SH2D3C: variants seen among roughly 807,000 people sequenced by gnomAD.
SH2D3C encodes the protein SH2 domain-containing protein 3C.
Under a neutral mutation model 75.2 loss-of-function variants are expected in SH2D3C, and 25 were observed. The ratio of observed to expected loss-of-function variants is 0.33; its 90% CI spans 0.24 to 0.46. The LOEUF is 0.46. SH2D3C is among the 20% of genes least tolerant of loss of function. SH2D3C has a pLI of 1.00. For missense variants in SH2D3C, 933 were observed against 1,165.3 expected (o/e 0.80, Z 2.90); for synonymous variants, 450 against 473.7 (o/e 0.95, Z 0.65).
At chr9:127,772,455 G>C (rs1477681583) in intron 2 of SH2D3C, among the ~76,000 whole-genome samples, 1 of 152,066 alleles carries the variant, frequency 6.6e-6, no homozygotes, top group African/African-American at 2.4e-5. Flanking sequence ...TGTTGGTCAG[G>C]CTGGTCTCTT....
In SH2D3C at chr9:127,774,803, G is replaced by C. The variant is rs1327198399; in HGVS notation, c.38-336C>G. Among the ~76,000 whole-genome samples, 1 of 152,158 alleles carries C rather than the reference G, an allele frequency of 6.6e-6. No homozygotes were observed. The highest frequency in any genetic ancestry group is 1.5e-5 in the Non-Finnish European group (1 of 68,018). ...AGGGCAATGTGAGAATTACAGAAAA[G>C]CTTAGGCCAGGCGTGGTGGCTCATG... On this transcript the variant is annotated intron_variant, in intron 1 of 11. Coordinates refer to ENST00000314830, the MANE Select transcript of SH2D3C (RefSeq NM_170600.3). The surrounding 1 kb of genome is among the most constrained non-coding windows in gnomAD (Gnocchi z 4.3).
intron 3 of SH2D3C, chr9:127,755,154 G>C: frequency 8.2e-7 from 1 of 1,217,666 alleles, no homozygotes; most frequent in Non-Finnish European, 1.0e-6. Context: ...TGCACCGCTC[G>C]GTCATGGTGG....
intron 6 of SH2D3C, among the ~76,000 whole-genome samples, chr9:127,746,231 G>A (rs1436730806): frequency 1.3e-5 from 2 of 152,188 alleles, no homozygotes. Flanking sequence ...TGTGTTTAGG[G>A]AAGGATTTGT....
At chr9:127,742,508 A>AT (rs1479325582) in intron 8 of SH2D3C, among the ~76,000 whole-genome samples, 6 of 152,216 alleles carry the variant, frequency 3.9e-5, no homozygotes, top group Admixed American at 3.9e-4. Context: ...AAATGCTGGG[A>AT]TTACAGGCTC....
intron 1 of SH2D3C, among the ~76,000 whole-genome samples, chr9:127,776,267 T>C (rs1176724010): frequency 6.6e-6 from 1 of 152,044 alleles, no homozygotes; most frequent in Non-Finnish European, 1.5e-5. Flanking sequence ...AGCAGTGTAA[T>C]GAACCGAGCT....
At chr9:127,771,967 G>T (rs2131809327) in intron 2 of SH2D3C, among the ~76,000 whole-genome samples, 1 of 152,318 alleles carries the variant, frequency 6.6e-6, no homozygotes, top group Non-Finnish European at 1.5e-5. Flanking sequence ...AGATGCTATT[G>T]TTACGTCCAT....
rs191722447 is a variant in SH2D3C, at chr9:127,761,333, G to A, written c.555+278C>T. Among the ~76,000 whole-genome samples, 3 of 152,328 alleles carry A rather than the reference G, an allele frequency of 2.0e-5. No homozygotes were observed. In the East Asian group the frequency reaches 5.8e-4, roughly 29 times the overall value. The stretch of plus-strand genomic sequence containing the variant: ...TCCTTTACATGGAGACACTGTTGGG[G>A]CCCCGTCCAGCTGGCAAGTGAGTGG... On this transcript the variant is annotated intron_variant, in intron 3 of 11. Transcript: ENST00000314830.
Position 127,751,410 on chromosome 9 carries a change from C to T in SH2D3C, c.556-110G>A. 9.5e-7 allele frequency: 1 copy of T among 1,050,696 alleles called. No homozygotes were observed. Among genetic ancestry groups the T allele is most frequent in the Non-Finnish European group, 1.4e-6 (1 of 698,970 alleles). The allele number at this position is 1,050,696 out of a possible 1,614,324, so 65.1% of individuals were successfully genotyped here. A position where few individuals can be genotyped will look rare whatever the true frequency, so the allele number is the denominator to read the frequency against. Reference sequence around the variant, plus strand: ...TCCTCCTATCCTGGGACTCTGGGAACACTAAGGCACAGGTGCCAGACCCTT... The same window carrying T: ...TCCTCCTATCCTGGGACTCTGGGAATACTAAGGCACAGGTGCCAGACCCTT... On this transcript the variant is annotated intron_variant, in intron 3 of 11. Coordinates refer to ENST00000314830, the MANE Select transcript of SH2D3C (RefSeq NM_170600.3). This position sits in a 1 kb window ranked among gnomAD's most constrained non-coding sequence, Gnocchi z 4.1.
intron 3 of SH2D3C, among the ~76,000 whole-genome samples, chr9:127,755,665 C>T (rs1845361178): frequency 6.6e-6 from 1 of 152,154 alleles, no homozygotes; most frequent in Non-Finnish European, 1.5e-5. Context: ...CTCCCAGAGC[C>T]CAGGATTTCT....
chr9:127,755,314 C>T (rs1845347559), intron 3 of SH2D3C: 2 of 156,244 alleles, frequency 1.3e-5, no homozygotes, highest in South Asian at 2.4e-4. Context: ...GGAGGCGGGG[C>T]GGGGAGACCC....
chr9:127,750,773 A>C (rs1171607068), intron 4 of SH2D3C, among the ~76,000 whole-genome samples: 1 of 152,248 alleles, frequency 6.6e-6, no homozygotes, highest in Non-Finnish European at 1.5e-5. Flanking sequence ...TCAGCCAAGA[A>C]ACTCAACTTT....
chr9:127,776,587 C>T (rs1845814223), intron 1 of SH2D3C, among the ~76,000 whole-genome samples: 1 of 152,194 alleles, frequency 6.6e-6, no homozygotes, highest in African/African-American at 2.4e-5. Flanking sequence ...CCCACAGCCT[C>T]CAGATGAGCA....
chr9:127,764,488 AC>A (rs1845595488), intron 2 of SH2D3C, among the ~76,000 whole-genome samples: 1 of 151,964 alleles, frequency 6.6e-6, no homozygotes, highest in African/African-American at 2.4e-5. Flanking sequence ...CTCTGCTCCA[AC>A]CCACTTGCGT....
intron 2 of SH2D3C, among the ~76,000 whole-genome samples, chr9:127,772,807 C>T (rs764408725): frequency 4.6e-5 from 7 of 151,772 alleles, no homozygotes; most frequent in Admixed American, 1.3e-4. Flanking sequence ...CTCAGTTTCC[C>T]AATCTGTAAG....
At chr9:127,766,663 G>A (rs1845641183) in intron 2 of SH2D3C, among the ~76,000 whole-genome samples, 2 of 152,124 alleles carry the variant, frequency 1.3e-5, no homozygotes, top group African/African-American at 2.4e-5. Context: ...TCTGCCTCCC[G>A]GGTTCAAGTG....
rs139502445 is a variant in SH2D3C at position 127,756,957 on chromosome 9, T to A, written c.555+4654A>T. Among the ~76,000 whole-genome samples the A allele has an allele frequency of 3.6e-3, 552 of 152,134 alleles. 4 individuals carry two copies. The highest frequency in any genetic ancestry group is 0.013 in the African/African-American group (531 of 41,498). On this transcript the variant is annotated intron_variant, in intron 3 of 11. Coordinates refer to ENST00000314830, the MANE Select transcript of SH2D3C (RefSeq NM_170600.3). ...TGTTCTTGTTTTTTTGAGACAGAGTTTTGTTCTTGTTGCCCAGGCTGAAGT... is the reference window on the plus strand; with the variant it reads ...TGTTCTTGTTTTTTTGAGACAGAGTATTGTTCTTGTTGCCCAGGCTGAAGT...
At chr9:127,748,158 T>C (rs1302795537) in intron 5 of SH2D3C, among the ~76,000 whole-genome samples, 1 of 152,182 alleles carries the variant, frequency 6.6e-6, no homozygotes, top group Non-Finnish European at 1.5e-5. Context: ...ACCTGGAGAA[T>C]GGTCTGGGGA....
intron 3 of SH2D3C, among the ~76,000 whole-genome samples, chr9:127,755,497 G>T (rs1421279205): frequency 6.6e-6 from 1 of 152,196 alleles, no homozygotes; most frequent in Non-Finnish European, 1.5e-5. Context: ...CAGCGGGATC[G>T]GGTGGGGACC....
intron 3 of SH2D3C, chr9:127,755,362 G>A: frequency 2.3e-6 from 1 of 429,618 alleles, no homozygotes; most frequent in Middle Eastern, 7.2e-4. Flanking sequence ...GGGGGCCATT[G>A]TTCCTCCCTC....
Sources: gnomAD v4.1 joint callset for allele counts (sites outside exome capture counted in the v4.1 genomes callset) on GRCh38, gnomAD v4.1.1 for gene constraint, Gnocchi (gnomAD v3.1) non-coding constraint, MANE v1.5 for transcripts, NCBI Gene and HGNC (gene_info 2026-07-23, HGNC 2026-07-21) for gene names.